ECT2L: variants seen among roughly 807,000 people sequenced by gnomAD.
The protein encoded by ECT2L is epithelial cell-transforming sequence 2 oncogene-like.
In ECT2L, 126 loss-of-function variants were observed where a neutral mutation model predicts 122.8. The ratio of observed to expected loss-of-function variants is 1.03; its 90% CI spans 0.89 to 1.19. The LOEUF (loss-of-function observed/expected upper bound fraction) is 1.19, where lower values mean the gene tolerates loss of function less well. Among genes scored for constraint, ECT2L ranks in the 50% most tolerant of loss-of-function variants. The pLI, the probability that ECT2L is intolerant of heterozygous loss-of-function variation, is 0.00. For synonymous variants in ECT2L, 385 were observed against 381.8 expected (o/e 1.01, Z -0.10); for missense variants, 1,012 against 1,064.1 (o/e 0.95, Z 0.68).
chr6:138,804,297 T>C (rs1218574357), intron 1 of ECT2L, among the ~76,000 whole-genome samples: 1 of 152,250 alleles, frequency 6.6e-6, no homozygotes. Flanking sequence ...TCTTTTCTTT[T>C]ATAAAACAGA....
intron 18 of ECT2L, among the ~76,000 whole-genome samples, chr6:138,886,193 T>G (rs1228867065): frequency 6.7e-6 from 1 of 150,028 alleles, no homozygotes; most frequent in East Asian, 2.0e-4. Context: ...CCTGCCTCAG[T>G]GAGTACAATG....
intron 9 of ECT2L, among the ~76,000 whole-genome samples, chr6:138,851,400 T>C (rs1199033194): frequency 2.6e-5 from 4 of 151,780 alleles, no homozygotes; most frequent in Non-Finnish European, 5.9e-5. Flanking sequence ...TCCAGGCTGG[T>C]CTGGAACCCC....
intron 13 of ECT2L, among the ~76,000 whole-genome samples, chr6:138,871,144 G>A (rs1778238009): frequency 1.3e-5 from 2 of 152,150 alleles, no homozygotes; most frequent in Admixed American, 1.3e-4. Context: ...GAAATAACCA[G>A]GATTCAAGAA....
intron 20 of ECT2L, among the ~76,000 whole-genome samples, chr6:138,899,921 C>T (rs1458053835): frequency 6.6e-6 from 1 of 152,196 alleles, no homozygotes; most frequent in Admixed American, 6.5e-5. Flanking sequence ...ATAACCCACA[C>T]TAGAGCACAG....
chr6:138,816,045 A>G (rs1356434215), intron 4 of ECT2L, among the ~76,000 whole-genome samples: 1 of 152,254 alleles, frequency 6.6e-6, no homozygotes, highest in Non-Finnish European at 1.5e-5. Context: ...ACAGATAAAC[A>G]GGCCCTTCAG....
At chr6:138,822,640 G>T (rs1776304795) in intron 4 of ECT2L, 1 of 884,216 alleles carries the variant, frequency 1.1e-6, no homozygotes, top group Non-Finnish European at 1.7e-6. Context: ...ACACAAAACA[G>T]CTGGAGGAGC....
chr6:138,885,390 T>TA, intron 16 of ECT2L, 116 bp from the exon 17 acceptor site: 1 of 921,876 alleles, frequency 1.1e-6, no homozygotes. Flanking sequence ...ACTAATTGGT[T>TA]AGACATAGAT....
At chr6:138,857,093 A>G (rs1438614689) in intron 10 of ECT2L, among the ~76,000 whole-genome samples, 1 of 152,164 alleles carries the variant, frequency 6.6e-6, no homozygotes, top group Non-Finnish European at 1.5e-5. Flanking sequence ...CAGATACTGC[A>G]CTTGGAATCT....
chr6:138,807,952 GT>G (rs1775767189), intron 1 of ECT2L, among the ~76,000 whole-genome samples: 1 of 151,928 alleles, frequency 6.6e-6, no homozygotes, highest in Non-Finnish European at 1.5e-5. Flanking sequence ...ATCAAGTAGA[GT>G]AAGTCCAACC....
Position 138,849,431 on chromosome 6 carries a change from C to A in ECT2L, c.1066C>A (p.Gln356Lys). ...AGACAGCAGAGAAATCAATTTACTC[C>A]AAGGTAGGCCTGGGGATTGGCGGAT... is the stretch of plus-strand genomic sequence containing the variant. ...DGDSREINLL[Q>K]GYKIGVKNLL... The change falls in exon 9 of 22, where the codon CAA becomes AAA. Residue 356 changes from glutamine (Q) to lysine (K), a missense_variant. By Grantham distance (53) the Gln-to-Lys change is moderately conservative. Coordinates refer to ENST00000541398, the MANE Select transcript of ECT2L (RefSeq NM_001077706.3). 6.2e-7 allele frequency: 1 copy of A among 1,612,206 alleles called. No homozygotes were observed.
chr6:138,849,479 T>C, intron 9 of ECT2L, 45 bp downstream of exon 9: 1 of 1,541,448 alleles, frequency 6.5e-7, no homozygotes, highest in Non-Finnish European at 8.8e-7. Flanking sequence ...AACTTCGCGC[T>C]GTGCACTTTG....
At chr6:138,877,123 TATAG>T (rs1372405524) in intron 14 of ECT2L, among the ~76,000 whole-genome samples, 1 of 152,214 alleles carries the variant, frequency 6.6e-6, no homozygotes, top group African/African-American at 2.4e-5. Context: ...AGCCACATTT[TATAG>T]ATAAAGAACT....
chr6:138,846,952 A>G (rs1777242953), intron 8 of ECT2L, among the ~76,000 whole-genome samples: 1 of 122,674 alleles, frequency 8.2e-6, no homozygotes, highest in African/African-American at 3.5e-5. Flanking sequence ...ACAGAGTGAG[A>G]CTCTGTTTCT....
intron 3 of ECT2L, among the ~76,000 whole-genome samples, 174 bp downstream of exon 3, chr6:138,813,514 A>G (rs1775969124): frequency 6.6e-6 from 1 of 152,210 alleles, no homozygotes; most frequent in Non-Finnish European, 1.5e-5. Context: ...TTCTCACCCC[A>G]GTTCTCATCT....
At chr6:138,886,698 G>C (rs1051649563) in intron 18 of ECT2L, among the ~76,000 whole-genome samples, 159 bp from the exon 19 acceptor site, 1 of 152,104 alleles carries the variant, frequency 6.6e-6, no homozygotes, top group Non-Finnish European at 1.5e-5. Context: ...GATTACAGAC[G>C]AAAGTCACTA....
In ECT2L at chr6:138,901,069, G is replaced by T. The variant is rs1779380701; in HGVS notation, c.2536G>T (p.Ala846Ser). ...TTCAAAAACAACCTACCAGTTCATT[G>T]CATCAGTGGCCCTTCATCGGTTACT... ...RTSKTTYQFI[A>S]SVALHRLLIE... The change falls in exon 21 of 22, where the codon GCA (alanine) becomes TCA (serine). Residue 846 changes from alanine (A) to serine (S), a missense_variant. By Grantham distance (99) the Ala-to-Ser change is moderately conservative. Coordinates refer to ENST00000541398, the MANE Select transcript of ECT2L (RefSeq NM_001077706.3). 4.3e-6 allele frequency: 7 copies of T among 1,613,950 alleles called. No individual in the cohort carries two copies. The Admixed American group carries it at 8.3e-5, about 19-fold the overall frequency.
At position 138,865,044 on chromosome 6, in the gene ECT2L, T is replaced by C. The variant is rs1442806353; in HGVS notation, c.1340T>C (p.Ile447Thr). ...CAATGGGGAAAGGCCCCCTCTTCCA[T>C]CTACTTCTGCGAATCGAAGCTACAG... ...GSQWGKAPSSIYFCESKLQTW... is the reference protein window; with the variant it reads ...GSQWGKAPSSTYFCESKLQTW... The change falls in exon 12 of 22, where the codon ATC becomes ACC. Residue 447 changes from isoleucine to threonine, a missense_variant. By Grantham distance (89) the Ile-to-Thr change is moderately conservative. Coordinates refer to ENST00000541398, the MANE Select transcript of ECT2L (RefSeq NM_001077706.3). The C allele has an allele frequency of 6.2e-7, 1 of 1,614,048 alleles. No homozygotes were observed. The highest frequency in any genetic ancestry group is 1.1e-5 in the South Asian group (1 of 91,072).
intron 4 of ECT2L, among the ~76,000 whole-genome samples, chr6:138,819,241 A>AG (rs1308185887): frequency 1.0e-4 from 6 of 59,018 alleles, no homozygotes; most frequent in South Asian, 8.5e-4. Flanking sequence ...TTAAAAAAAA[A>AG]AAAAAAAAAA....
intron 10 of ECT2L, among the ~76,000 whole-genome samples, chr6:138,858,854 C>G (rs1389179973): frequency 1.3e-5 from 2 of 151,872 alleles, no homozygotes; most frequent in Non-Finnish European, 2.9e-5. Context: ...TACAGGCACA[C>G]AACACCATGC....
Sources: allele counts gnomAD v4.1 joint callset (sites outside exome capture counted in the v4.1 genomes callset), GRCh38; gene constraint gnomAD v4.1.1; transcripts MANE v1.5; gene names NCBI Gene and HGNC (gene_info 2026-07-23, HGNC 2026-07-21).